Variants in IPO11 observed in about 807,000 individuals in gnomAD.
The protein encoded by IPO11 is importin-11.
IPO11 carries 66 observed loss-of-function variants against 143.2 expected under a neutral mutation model. The ratio of observed to expected loss-of-function variants is 0.46; its 90% CI spans 0.38 to 0.57. The LOEUF is 0.57. IPO11 is among the 20% of genes least tolerant of loss of function. IPO11 has a pLI of 0.00. For missense variants in IPO11, 1,026 were observed against 1,141.0 expected, an observed-to-expected ratio of 0.90 and a Z score of 1.45; for synonymous variants, 385 against 377.8, an observed-to-expected ratio of 1.02 and a Z score of -0.22.
intron 5 of IPO11, among the ~76,000 whole-genome samples, chr5:62,464,677 G>A (rs752936736): frequency 2.6e-5 from 4 of 151,764 alleles, no homozygotes; most frequent in Non-Finnish European, 4.4e-5. Context: ...ACCGTGTTTC[G>A]CCATGTTGCA....
intron 26 of IPO11, among the ~76,000 whole-genome samples, chr5:62,552,255 A>G (rs1178977001): frequency 6.6e-6 from 1 of 152,152 alleles, no homozygotes; most frequent in Non-Finnish European, 1.5e-5. Flanking sequence ...AATGGAGACA[A>G]TTTTTTAAAA....
rs1012456539 is a variant in IPO11 at position 62,432,696 on chromosome 5, T to G, written c.-6-4578T>G. Among the ~76,000 whole-genome samples, 10 of 152,244 alleles carry G rather than the reference T, an allele frequency of 6.6e-5. No homozygotes were observed. The East Asian group carries it at 1.7e-3, about 26-fold the overall frequency. On this transcript the variant is annotated intron_variant, in intron 1 of 29. Coordinates refer to ENST00000325324, the MANE Select transcript of IPO11 (RefSeq NM_016338.5). ...GTTGTATCCCTGAGGAGAGGGTCTGTGGAGCTACTTATGTCATCATTCCAG... is the reference window on the plus strand; with the variant it reads ...GTTGTATCCCTGAGGAGAGGGTCTGGGGAGCTACTTATGTCATCATTCCAG...
chr5:62,441,017 A>G (rs1303533860), intron 2 of IPO11, among the ~76,000 whole-genome samples: 1 of 151,928 alleles, frequency 6.6e-6, no homozygotes, highest in Non-Finnish European at 1.5e-5. Context: ...CTTCCACATC[A>G]TTTTTGGCTT....
intron 7 of IPO11, among the ~76,000 whole-genome samples, chr5:62,471,745 A>T (rs1480681478): frequency 6.6e-6 from 1 of 152,224 alleles, no homozygotes; most frequent in Non-Finnish European, 1.5e-5. Context: ...GTGTCAGTAG[A>T]CTAATTTTTT....
intron 28 of IPO11, among the ~76,000 whole-genome samples, chr5:62,596,264 G>C (rs1745211118): frequency 5.4e-5 from 1 of 18,394 alleles, no homozygotes; most frequent in African/African-American, 3.5e-4. Context: ...CCAAGGCCCT[G>C]TCTCAAAAAA....
rs1382111430 is a variant in IPO11, at chr5:62,598,405, T to C, written c.2679-3359T>C. 6.9e-4 allele frequency among the ~76,000 whole-genome samples: 7 copies of C among 10,142 alleles called. No individual in the cohort carries two copies. The African/African-American group carries it at 8.9e-3, about 13-fold the overall frequency. 6.7% of individuals were successfully genotyped at this position (10,142 alleles called of 152,430 possible). A position where few individuals can be genotyped will look rare whatever the true frequency, so the allele number is the denominator to read the frequency against. On this transcript the variant is annotated intron_variant, in intron 28 of 29. Transcript: ENST00000325324. ...CTTGCTTGCTTGCTTTCTTTCTTTC[T>C]TTCTTTCTTTCTTTCTTTCTTTCTT...
At chr5:62,413,531 A>G (rs1743190392) in intron 1 of IPO11, 1 of 152,198 alleles carries the variant, frequency 6.6e-6, no homozygotes, top group African/African-American at 2.4e-5. Context: ...TTTGCTTATT[A>G]CGTGTGTCAT....
intron 1 of IPO11, among the ~76,000 whole-genome samples, chr5:62,432,457 G>A (rs1441323797): frequency 6.6e-6 from 1 of 152,208 alleles, no homozygotes; most frequent in Admixed American, 6.5e-5. Flanking sequence ...GAGTTAGGGT[G>A]AGAGAGAGCC....
chr5:62,447,877 G>A lies in IPO11; in HGVS notation c.240-2050G>A, dbSNP rs372010702. 1.3e-4 allele frequency among the ~76,000 whole-genome samples: 20 copies of A among 152,148 alleles called. No homozygotes were observed. In the South Asian group the frequency reaches 2.3e-3, roughly 17 times the overall value. On this transcript the variant is annotated intron_variant, in intron 3 of 29. Coordinates refer to ENST00000325324, the MANE Select transcript of IPO11 (RefSeq NM_016338.5). ...GCTGGTATTACAGTCACCACGCCCA[G>A]CTAAATTTTGTATTTTTAGTAGAGA...
chr5:62,471,854 TG>T (rs1017858039), intron 7 of IPO11, among the ~76,000 whole-genome samples: 1 of 152,228 alleles, frequency 6.6e-6, no homozygotes, highest in Non-Finnish European at 1.5e-5. Flanking sequence ...ATAAAAGATA[TG>T]GACTGATCAT....
At chr5:62,513,192 G>A (rs1334022243) in intron 19 of IPO11, among the ~76,000 whole-genome samples, 6 of 151,872 alleles carry the variant, frequency 4.0e-5, no homozygotes, top group East Asian at 3.9e-4. Context: ...CTCCCGGACC[G>A]GGTGGCTGGC....
chr5:62,414,055 C>T (rs373920839), intron 1 of IPO11, among the ~76,000 whole-genome samples: 5 of 152,316 alleles, frequency 3.3e-5, no homozygotes, highest in African/African-American at 1.2e-4. Context: ...ATTATAGTCT[C>T]AGGGTAGGAG....
At chr5:62,604,375 A>AT (rs1408034743) in intron 29 of IPO11, among the ~76,000 whole-genome samples, 1 of 151,854 alleles carries the variant, frequency 6.6e-6, no homozygotes, top group Non-Finnish European at 1.5e-5. Context: ...TGTCTGGCTA[A>AT]TTTTTTTGTA....
At chr5:62,608,776 A>C (rs544846068) in intron 29 of IPO11, among the ~76,000 whole-genome samples, 15 of 152,334 alleles carry the variant, frequency 9.8e-5, no homozygotes, top group African/African-American at 3.6e-4. Context: ...CATCACTGAC[A>C]ATTGATAGTT....
At chr5:62,433,289 G>A (rs1241372500) in intron 1 of IPO11, among the ~76,000 whole-genome samples, 1 of 152,032 alleles carries the variant, frequency 6.6e-6, no homozygotes, top group Non-Finnish European at 1.5e-5. Flanking sequence ...GTTATGTATG[G>A]CTGAAACTGA....
chr5:62,626,419 G>A (rs1487333137), intron 29 of IPO11, among the ~76,000 whole-genome samples: 1 of 152,138 alleles, frequency 6.6e-6, no homozygotes, highest in Non-Finnish European at 1.5e-5. Context: ...CTTTTATTTA[G>A]ATTTTACCAG....
intron 1 of IPO11, among the ~76,000 whole-genome samples, chr5:62,415,190 G>T (rs1743244467): frequency 6.6e-6 from 1 of 152,078 alleles, no homozygotes; most frequent in African/African-American, 2.4e-5. Context: ...TTTTGAGGCG[G>T]GGTCTCACTG....
rs1213414709 is a variant in IPO11, at chr5:62,513,439, C to T, written c.1783-1949C>T. On this transcript the variant is annotated intron_variant, in intron 19 of 29. Coordinates refer to ENST00000325324, the MANE Select transcript of IPO11 (RefSeq NM_016338.5). ...ACCCCCCCCCCACCTCCCTCCCGGA[C>T]GGAGCGGCTGGCTGGGCAGAGGGGC... 4.1e-4 allele frequency among the ~76,000 whole-genome samples: 49 copies of T among 120,062 alleles called. 1 individual carries two copies. Among genetic ancestry groups the T allele is most frequent in the African/African-American group, 1.4e-3 (46 of 32,876 alleles). The allele number at this position is 120,062 out of a possible 152,430, so 78.8% of individuals were successfully genotyped here. A position where few individuals can be genotyped will look rare whatever the true frequency, so the allele number is the denominator to read the frequency against.
chr5:62,601,701 CTTATTT>C (rs995081805), intron 28 of IPO11, 57 bp from the exon 29 acceptor site: 2 of 783,784 alleles, frequency 2.6e-6, no homozygotes, highest in Admixed American at 7.4e-5. Flanking sequence ...ATTTTAAGGA[CTTATTT>C]TTAAGTGTAT....
Sources: gnomAD v4.1 joint callset for allele counts (sites outside exome capture counted in the v4.1 genomes callset) on GRCh38, gnomAD v4.1.1 for gene constraint, MANE v1.5 for transcripts, NCBI Gene and HGNC (gene_info 2026-07-23, HGNC 2026-07-21) for gene names.